Variants in TDRD9 observed in about 807,000 individuals in gnomAD.
TDRD9 encodes the protein ATP-dependent RNA helicase TDRD9.
In TDRD9, 124 loss-of-function variants were observed where a neutral mutation model predicts 172.6. That is an observed-to-expected ratio of 0.72 (90% CI 0.62 to 0.83). The LOEUF is 0.83. Among genes scored for constraint, TDRD9 ranks in the 40% least tolerant of loss-of-function variants. TDRD9 has a pLI of 0.00. For synonymous variants in TDRD9, 619 were observed against 617.1 expected (o/e 1.00, Z -0.05); for missense variants, 1,479 against 1,714.1 (o/e 0.86, Z 2.42).
intron 7 of TDRD9, among the ~76,000 whole-genome samples, chr14:103,975,967 T>A (rs2033219642): frequency 1.3e-5 from 2 of 152,158 alleles, no homozygotes; most frequent in South Asian, 4.1e-4. Flanking sequence ...CATCTCTCTT[T>A]AAAAAGGACA....
intron 4 of TDRD9, among the ~76,000 whole-genome samples, chr14:103,966,377 A>G (rs1018695068): frequency 6.6e-6 from 1 of 152,244 alleles, no homozygotes; most frequent in Non-Finnish European, 1.5e-5. Flanking sequence ...ATTTCTTTCC[A>G]GTTGAATAGG....
intron 23 of TDRD9, among the ~76,000 whole-genome samples, chr14:104,020,725 G>C (rs568603153): frequency 1.9e-4 from 29 of 152,158 alleles, no homozygotes; most frequent in Non-Finnish European, 3.1e-4. Flanking sequence ...ACATTTCCAG[G>C]AGAGAGCTCA....
chr14:103,946,779 C>T (rs2031581627), intron 1 of TDRD9, among the ~76,000 whole-genome samples: 1 of 152,094 alleles, frequency 6.6e-6, no homozygotes, highest in Non-Finnish European at 1.5e-5. Flanking sequence ...AAGGAAATTA[C>T]AAAACTATTC....
intron 33 of TDRD9, 96 bp downstream of exon 33, chr14:104,040,430 G>A: frequency 3.1e-6 from 4 of 1,277,998 alleles, no homozygotes; most frequent in East Asian, 2.9e-5. Flanking sequence ...AGCTCGCGGT[G>A]CAGACACACA....
chr14:104,010,626 A>T (rs774830929), intron 20 of TDRD9, among the ~76,000 whole-genome samples: 137 of 151,766 alleles, frequency 9.0e-4, no homozygotes, highest in Non-Finnish European at 1.4e-3. Flanking sequence ...TAAAAAAAAA[A>T]TAGGAGTATA....
intron 32 of TDRD9, among the ~76,000 whole-genome samples, chr14:104,036,566 A>G (rs756591846): frequency 3.9e-5 from 6 of 152,166 alleles, no homozygotes; most frequent in Non-Finnish European, 8.8e-5. Context: ...CTTTTTAACT[A>G]GACAAAGCTC....
Position 103,928,542 on chromosome 14 carries a change from C to A in TDRD9, c.33C>A (p.Asn11Lys), listed in dbSNP as rs184390484. ...GGAAGCTCACCATCGAGCAGATCAA[C>A]GACTGGTTCACCATCGGCAAGACGG... Reference protein sequence around the residue: MLRKLTIEQINDWFTIGKTVT... With the variant: MLRKLTIEQIKDWFTIGKTVT... The change falls in exon 1 of 36, where the codon AAC becomes AAA. Residue 11 changes from asparagine to lysine, a missense_variant. Asn to Lys is a moderately conservative substitution (Grantham distance 94). Transcript: ENST00000409874. 7.2e-7 allele frequency: 1 copy of A among 1,395,152 alleles called. No homozygotes were observed. The highest frequency in any genetic ancestry group is 9.4e-7 in the Non-Finnish European group (1 of 1,062,416). 86.4% of individuals were successfully genotyped at this position (1,395,152 alleles called of 1,614,324 possible).
intron 6 of TDRD9, among the ~76,000 whole-genome samples, chr14:103,971,978 G>A (rs999239199): frequency 6.6e-6 from 1 of 152,088 alleles, no homozygotes; most frequent in Non-Finnish European, 1.5e-5. Flanking sequence ...GCAACATGGT[G>A]AAACCCCATC....
intron 13 of TDRD9, among the ~76,000 whole-genome samples, chr14:104,001,832 C>A (rs2152212846): frequency 6.6e-6 from 1 of 152,218 alleles, no homozygotes; most frequent in African/African-American, 2.4e-5. Context: ...CGGTCTCCAT[C>A]TCTTGACCTC....
At chr14:103,983,773 G>C (rs2033570204) in intron 7 of TDRD9, among the ~76,000 whole-genome samples, 1 of 152,194 alleles carries the variant, frequency 6.6e-6, no homozygotes, top group African/African-American at 2.4e-5. Context: ...TTGGAACTGA[G>C]TAACAAGGCA....
intron 12 of TDRD9, among the ~76,000 whole-genome samples, chr14:103,996,729 C>T (rs1171305157): frequency 6.6e-6 from 1 of 152,148 alleles, no homozygotes; most frequent in Non-Finnish European, 1.5e-5. Context: ...CCTTTGTTCT[C>T]ATGACACATT....
At chr14:103,956,970 G>T (rs2032278931) in intron 2 of TDRD9, among the ~76,000 whole-genome samples, 1 of 152,126 alleles carries the variant, frequency 6.6e-6, no homozygotes, top group Non-Finnish European at 1.5e-5. Context: ...CTGCGTATTA[G>T]TGTGCTCAGA....
intron 1 of TDRD9, among the ~76,000 whole-genome samples, chr14:103,934,872 C>A (rs1266434127): frequency 3.3e-5 from 5 of 152,206 alleles, no homozygotes; most frequent in African/African-American, 1.2e-4. Context: ...GGCTGGGTGA[C>A]AGTGCCCAGA....
At chr14:103,974,553 A>T (rs1005070813) in intron 6 of TDRD9, among the ~76,000 whole-genome samples, 1 of 152,222 alleles carries the variant, frequency 6.6e-6, no homozygotes, top group African/African-American at 2.4e-5. Context: ...AGTTGGAGCT[A>T]GAGTTTTCTA....
chr14:104,026,677 A>G lies in TDRD9; in HGVS notation c.3022-2A>G, dbSNP rs772050572. 6.2e-7 allele frequency: 1 copy of G among 1,613,798 alleles called. No homozygotes were observed. The highest frequency in any genetic ancestry group is 8.5e-7 in the Non-Finnish European group (1 of 1,179,756). ...TTGAGCTGTGCCCTTCTGTCCTTGT[A>G]GGCTTTGGAATTTAAGATTTGCAAA... On this transcript the variant is annotated splice_acceptor_variant, in intron 27 of 35. Coordinates refer to ENST00000409874, the MANE Select transcript of TDRD9 (RefSeq NM_153046.3). LOFTEE classifies it high-confidence loss of function.
intron 1 of TDRD9, among the ~76,000 whole-genome samples, chr14:103,937,399 C>T (rs1252488180): frequency 1.3e-5 from 2 of 152,202 alleles, no homozygotes; most frequent in Admixed American, 1.3e-4. Flanking sequence ...CTCCTTTCTT[C>T]ATTTGGGACC....
At chr14:104,036,568 AC>A (rs1347896312) in intron 32 of TDRD9, among the ~76,000 whole-genome samples, 2 of 152,152 alleles carry the variant, frequency 1.3e-5, no homozygotes, top group African/African-American at 4.8e-5. Context: ...TTTTAACTAG[AC>A]AAAGCTCCTG....
intron 7 of TDRD9, 81 bp downstream of exon 7, chr14:103,975,634 A>G (rs983477447): frequency 1.4e-5 from 19 of 1,355,362 alleles, no homozygotes; most frequent in African/African-American, 2.9e-5. Flanking sequence ...CTATGATTGT[A>G]AGGCCCTGCG....
At chr14:103,935,806 G>A (rs971152610) in intron 1 of TDRD9, among the ~76,000 whole-genome samples, 8 of 152,110 alleles carry the variant, frequency 5.3e-5, no homozygotes, top group Non-Finnish European at 1.0e-4. Flanking sequence ...CCCTGCACAC[G>A]CATATCTTAA....
Sources: allele counts gnomAD v4.1 joint callset (sites outside exome capture counted in the v4.1 genomes callset), GRCh38; gene constraint gnomAD v4.1.1; transcripts MANE v1.5; gene names NCBI Gene and HGNC (gene_info 2026-07-23, HGNC 2026-07-21).